The following FMNL2 variants were observed in gnomAD, a reference collection of about 807,000 sequenced individuals.
FMNL2 encodes the protein formin like 2, also known as formin-like protein 2.
A neutral mutation model predicts 130.2 loss-of-function variants in FMNL2; 51 were observed. The observed-to-expected ratio is 0.39, with a 90% confidence interval of 0.31 to 0.49. The LOEUF is 0.49. FMNL2 is among the 20% of genes least tolerant of loss of function. The pLI, the probability that FMNL2 is intolerant of heterozygous loss-of-function variation, is 0.85. For synonymous variants in FMNL2, 465 were observed against 467.1 expected (o/e 1.00, Z 0.06); for missense variants, 977 against 1,316.2 (o/e 0.74, Z 3.99).
chr2:152,645,801 T>A (rs2105987637), intron 25 of FMNL2, among the ~76,000 whole-genome samples: 1 of 152,308 alleles, frequency 6.6e-6, no homozygotes, highest in East Asian at 1.9e-4. Flanking sequence ...GCCTTTGAGT[T>A]ACTCAGTTAA....
chr2:152,335,225 G>T lies in FMNL2; in HGVS notation c.-379G>T, dbSNP rs1332206749. ...GCGCAGCCGTGGCCGGCTAGGGCTG[G>T]AAGTGTCAGCGGCGGCCGCGGGCCC... is the stretch of plus-strand genomic sequence containing the variant. On this transcript the variant is annotated 5_prime_UTR_variant, in exon 1 of 26. Transcript: ENST00000288670. The T allele has an allele frequency of 1.3e-5, 2 of 156,128 alleles. No homozygotes were observed. The highest frequency in any genetic ancestry group is 4.8e-5 in the African/African-American group (2 of 41,544). 9.7% of individuals were successfully genotyped at this position (156,128 alleles called of 1,614,324 possible). A position where few individuals can be genotyped will look rare whatever the true frequency, so the allele number is the denominator to read the frequency against.
At chr2:152,338,272 C>T (rs11899068) in intron 1 of FMNL2, among the ~76,000 whole-genome samples, 150,237 of 152,238 alleles carry the variant, frequency 0.99, 74,176 homozygotes, top group Middle Eastern at 1. Flanking sequence ...ATAGTAATAC[C>T]GTATAGAAAA....
At chr2:152,413,846 C>T (rs574894893) in intron 1 of FMNL2, among the ~76,000 whole-genome samples, 1 of 152,322 alleles carries the variant, frequency 6.6e-6, no homozygotes, top group South Asian at 2.1e-4. Flanking sequence ...GGACACAGCA[C>T]CATGATAGGC....
intron 2 of FMNL2, among the ~76,000 whole-genome samples, chr2:152,528,113 T>C (rs1365263024): frequency 6.6e-6 from 1 of 152,222 alleles, no homozygotes; most frequent in East Asian, 1.9e-4. Flanking sequence ...AAATGTTTGA[T>C]TCCTAACAGT....
chr2:152,532,612 T>C (rs1448786388), intron 2 of FMNL2, among the ~76,000 whole-genome samples: 1 of 1,782 alleles, frequency 5.6e-4, no homozygotes, highest in Non-Finnish European at 4.3e-3. Flanking sequence ...TTTTTTCTTA[T>C]TTTTTTTTTT....
chr2:152,542,788 A>G lies in FMNL2; in HGVS notation c.251A>G (p.Lys84Arg), dbSNP rs1241274109. ...NPPHTYIQKL[K>R]GYLDPAVTRK... ...CCCCATACATACATTCAAAAGCTCA[A>G]AGGCTATCTGGATCCAGCTGTAACC... is the stretch of plus-strand genomic sequence containing the variant. Residue 84 changes from lysine (K) to arginine (R), a missense_variant, in exon 3 of 26, where the codon AAA (lysine) becomes AGA (arginine). Physicochemically the swap from Lys to Arg is conservative, Grantham distance 26. Around this residue, in one of 4 missense-constraint regions of FMNL2, gnomAD observed 117 missense variants for 134.9 expected, o/e 0.87. Transcript: ENST00000288670. 1.2e-6 allele frequency: 2 copies of G among 1,613,936 alleles called. No homozygotes were observed. The highest frequency in any genetic ancestry group is 1.7e-6 in the Non-Finnish European group (2 of 1,179,916).
chr2:152,609,666 G>A (rs1698575841), intron 10 of FMNL2, among the ~76,000 whole-genome samples: 2 of 151,644 alleles, frequency 1.3e-5, no homozygotes, highest in Admixed American at 6.6e-5. Context: ...TTAGTAAGTT[G>A]CAGTAGAGTC....
intron 1 of FMNL2, among the ~76,000 whole-genome samples, chr2:152,346,917 C>T (rs899132251): frequency 1.3e-5 from 2 of 151,600 alleles, no homozygotes; most frequent in Non-Finnish European, 1.5e-5. Flanking sequence ...TGGTGAAACC[C>T]CGTATCTACT....
chr2:152,619,366 A>C (rs188885298), intron 14 of FMNL2, 143 bp from the exon 15 acceptor site: 1 of 1,382,406 alleles, frequency 7.2e-7, no homozygotes, highest in Non-Finnish European at 9.7e-7. Flanking sequence ...CCACATGTCA[A>C]TGAGGACATT....
intron 18 of FMNL2, 121 bp from the exon 19 acceptor site, chr2:152,629,535 A>G (rs1385923590): frequency 1.2e-6 from 1 of 841,194 alleles, no homozygotes; most frequent in East Asian, 2.7e-5. Flanking sequence ...GACTCTCACC[A>G]TGAAGCCTGT....
At chr2:152,533,875 A>T (rs534224532) in intron 2 of FMNL2, among the ~76,000 whole-genome samples, 2 of 152,156 alleles carry the variant, frequency 1.3e-5, no homozygotes, top group East Asian at 1.9e-4. Flanking sequence ...ATTTTAAGGG[A>T]TATATTTTTA....
At chr2:152,375,877 C>CTCTCTCTCTCTCTATATATATATATA (rs796954245) in intron 1 of FMNL2, among the ~76,000 whole-genome samples, 7 of 112,480 alleles carry the variant, frequency 6.2e-5, no homozygotes, top group East Asian at 1.1e-3. Flanking sequence ...CTCTCTCTCT[C>CTCTCTCTCTCTCTATATATATATATA]TATATATATA....
chr2:152,375,867 C>CTATATATATATATATATA (rs1156878897), intron 1 of FMNL2, among the ~76,000 whole-genome samples: 1 of 113,132 alleles, frequency 8.8e-6, no homozygotes, highest in Non-Finnish European at 1.7e-5. Flanking sequence ...CTCTCTCTCT[C>CTATATATATATATATATA]TCTCTCTCTC....
intron 1 of FMNL2, among the ~76,000 whole-genome samples, chr2:152,510,799 A>G (rs1363234699): frequency 6.6e-6 from 1 of 152,190 alleles, no homozygotes; most frequent in African/African-American, 2.4e-5. Flanking sequence ...AAGACTTTCC[A>G]GCTTTCCTGC....
intron 1 of FMNL2, among the ~76,000 whole-genome samples, chr2:152,389,013 A>G (rs1684946177): frequency 6.6e-6 from 1 of 152,138 alleles, no homozygotes; most frequent in Admixed American, 6.5e-5. Context: ...TCATGAGTAA[A>G]AGTATTAATG....
In FMNL2 at chr2:152,603,406, T is replaced by TG. The variant is rs1029869740; in HGVS notation, c.877-3933_877-3932insG. Among the ~76,000 whole-genome samples, 2 of 141,864 alleles carry TG rather than the reference T, an allele frequency of 1.4e-5. 1 individual carries two copies. The highest frequency in any genetic ancestry group is 3.2e-5 in the Non-Finnish European group (2 of 63,414). The allele number at this position is 141,864 out of a possible 152,430, so 93.1% of individuals were successfully genotyped here. A position where few individuals can be genotyped will look rare whatever the true frequency, so the allele number is the denominator to read the frequency against. ...AAGAAGATATTTAAGTCTGTTTTTTTTTTTTTTTTTAAGATTAGAGGTATT... is the reference window on the plus strand; with the variant it reads ...AAGAAGATATTTAAGTCTGTTTTTTTGTTTTTTTTTTAAGATTAGAGGTATT... On this transcript the variant is annotated intron_variant, in intron 9 of 25. Coordinates refer to ENST00000288670, the MANE Select transcript of FMNL2 (RefSeq NM_052905.4).
chr2:152,619,397 C>T (rs1040452293), intron 14 of FMNL2, 112 bp from the exon 15 acceptor site: 6 of 1,490,622 alleles, frequency 4.0e-6, no homozygotes, highest in Non-Finnish European at 4.5e-6. Flanking sequence ...TGAAAACAGT[C>T]CTTTGTCCTT....
At chr2:152,593,860 A>AGAGTGTGTGTGT (rs1365489869) in intron 9 of FMNL2, among the ~76,000 whole-genome samples, 19 of 113,350 alleles carry the variant, frequency 1.7e-4, no homozygotes, top group Admixed American at 2.1e-4. Flanking sequence ...AGAGAGAGAG[A>AGAGTGTGTGTGT]GTGTGTGTGT....
chr2:152,522,617 T>C (rs960257188), intron 2 of FMNL2, among the ~76,000 whole-genome samples: 1 of 152,164 alleles, frequency 6.6e-6, no homozygotes, highest in African/African-American at 2.4e-5. Flanking sequence ...TGAGATCTGA[T>C]GGTTATCATA....
Sources: allele counts gnomAD v4.1 joint callset (sites outside exome capture counted in the v4.1 genomes callset), GRCh38; gene constraint gnomAD v4.1.1; regional missense constraint gnomAD v4.1.1; transcripts MANE v1.5; gene names NCBI Gene and HGNC (gene_info 2026-07-23, HGNC 2026-07-21).